Variants in BCL2L13 observed in about 807,000 individuals in gnomAD.
BCL2L13 encodes the protein bcl-2-like protein 13.
In BCL2L13, 13 loss-of-function variants were observed where a neutral mutation model predicts 25.8. The observed-to-expected ratio is 0.50, with a 90% CI of 0.33 to 0.80. The LOEUF (loss-of-function observed/expected upper bound fraction) is 0.80. Among genes scored for constraint, BCL2L13 ranks in the 30% least tolerant of loss-of-function variants. BCL2L13 has a pLI of 0.02. For missense variants in BCL2L13, 504 were observed against 574.9 expected, an observed-to-expected ratio of 0.88 and a Z score of 1.26; for synonymous variants, 244 against 230.3, an observed-to-expected ratio of 1.06 and a Z score of -0.54.
upstream of BCL2L13, among the ~76,000 whole-genome samples, chr22:17,634,270 C>G (rs920274694): frequency 1.3e-5 from 2 of 152,066 alleles, no homozygotes; most frequent in Non-Finnish European, 2.9e-5. Flanking sequence ...AACACAACCT[C>G]CACCTCCCAG....
intron 2 of BCL2L13, among the ~76,000 whole-genome samples, chr22:17,656,399 G>A (rs1601538357): frequency 8.8e-6 from 1 of 113,642 alleles, no homozygotes; most frequent in Admixed American, 1.3e-4. Flanking sequence ...CTCTAAGGCT[G>A]GAGTGCAGTG....
intron 4 of BCL2L13, among the ~76,000 whole-genome samples, chr22:17,695,487 A>G (rs945015286): frequency 4.6e-5 from 7 of 152,050 alleles, no homozygotes; most frequent in African/African-American, 1.4e-4. Context: ...ATGCCTGGCT[A>G]ATTTTTTGTA....
upstream of BCL2L13, among the ~76,000 whole-genome samples, chr22:17,636,801 T>A (rs2146357309): frequency 6.6e-6 from 1 of 150,918 alleles, no homozygotes; most frequent in South Asian, 2.1e-4. Context: ...CTCGAGAAAA[T>A]AATAATAAAA....
chr22:17,677,657 A>G (rs1230239107), intron 2 of BCL2L13, among the ~76,000 whole-genome samples: 2 of 152,150 alleles, frequency 1.3e-5, no homozygotes, highest in Non-Finnish European at 2.9e-5. Context: ...GTGGATCATG[A>G]GGTCAGGAGA....
intron 1 of BCL2L13, among the ~76,000 whole-genome samples, chr22:17,639,947 T>C (rs2058212903): frequency 6.6e-6 from 1 of 151,884 alleles, no homozygotes; most frequent in South Asian, 2.1e-4. Context: ...CTCCGCCTCC[T>C]GGGTTCAAGC....
intron 1 of BCL2L13, among the ~76,000 whole-genome samples, chr22:17,644,856 C>CTGGA (rs1329158665): frequency 2.7e-5 from 4 of 147,300 alleles, no homozygotes; most frequent in African/African-American, 1.0e-4. Context: ...TGTCATCAGG[C>CTGGA]TGGAGTGCAG....
In BCL2L13 at chr22:17,664,468, G is replaced by A. The variant is rs575324197; in HGVS notation, c.121+8636G>A. Reference sequence around the variant, plus strand: ...GCATTGAGTGTCTGTGGCTCTTCCCGGTGCACAGTGCAAGCTGTCAGTGGA... The same window carrying A: ...GCATTGAGTGTCTGTGGCTCTTCCCAGTGCACAGTGCAAGCTGTCAGTGGA... On this transcript the variant is annotated intron_variant, in intron 2 of 6. Transcript: ENST00000317582. 1.3e-4 allele frequency among the ~76,000 whole-genome samples: 20 copies of A among 152,074 alleles called. No individual in the cohort carries two copies. In the South Asian group the frequency reaches 3.5e-3, roughly 27 times the overall value.
chr22:17,651,135 G>A (rs1033690752), intron 1 of BCL2L13, among the ~76,000 whole-genome samples: 3 of 151,808 alleles, frequency 2.0e-5, no homozygotes, highest in African/African-American at 7.2e-5. Flanking sequence ...GAGTAGCTGG[G>A]ATTACAGGCA....
At position 17,669,253 on chromosome 22, in the gene BCL2L13, C is replaced by T. The variant is rs1214740791; in HGVS notation, c.121+13421C>T. 4.6e-5 allele frequency among the ~76,000 whole-genome samples: 7 copies of T among 151,998 alleles called. No homozygotes were observed. In the East Asian group the frequency reaches 1.4e-3, roughly 29 times the overall value. ...TTCACCATGTTAGCCAGGATGGTCT[C>T]AATCTCCTGACCTCGTGATCTGCCC... On this transcript the variant is annotated intron_variant, in intron 2 of 6. Transcript: ENST00000317582.
intron 5 of BCL2L13, 103 bp downstream of exon 5, chr22:17,696,313 T>G: frequency 1.1e-6 from 1 of 941,924 alleles, no homozygotes. Context: ...TAGAGCTCAT[T>G]CTTTAATGCA....
chr22:17,691,683 A>T (rs1429266213), intron 4 of BCL2L13, among the ~76,000 whole-genome samples: 1 of 152,188 alleles, frequency 6.6e-6, no homozygotes, highest in East Asian at 1.9e-4. Flanking sequence ...CAAATTTGAT[A>T]CAGACTTTGG....
At chr22:17,667,387 T>G (rs1244229593) in intron 2 of BCL2L13, among the ~76,000 whole-genome samples, 1 of 152,142 alleles carries the variant, frequency 6.6e-6, no homozygotes, top group Non-Finnish European at 1.5e-5. Flanking sequence ...GTCAGGCTAG[T>G]CTCGAACTCC....
At chr22:17,630,586 C>CTTTTTTTTTTTTTTTTTTTTTTT (rs34181282) in intron 1 of BCL2L13, among the ~76,000 whole-genome samples, 1 of 126,254 alleles carries the variant, frequency 7.9e-6, no homozygotes, top group Non-Finnish European at 1.6e-5. Context: ...CCTTCTTTTT[C>CTTTTTTTTTTTTTTTTTTTTTTT]TTTTCTTTTT....
chr22:17,706,385 G>T (rs1001126392), intron 6 of BCL2L13, among the ~76,000 whole-genome samples: 7 of 150,922 alleles, frequency 4.6e-5, no homozygotes, highest in Non-Finnish European at 8.8e-5. Flanking sequence ...ACTGAGAAAA[G>T]GATTAGAAAT....
intron 1 of BCL2L13, among the ~76,000 whole-genome samples, chr22:17,644,770 CTAAAT>C (rs1486724569): frequency 1.9e-4 from 28 of 149,290 alleles, no homozygotes; most frequent in African/African-American, 7.0e-4. Context: ...GTGTGATACT[CTAAAT>C]TAGTATATCT....
At chr22:17,716,036 T>G (rs1406633143) in intron 6 of BCL2L13, among the ~76,000 whole-genome samples, 2 of 152,224 alleles carry the variant, frequency 1.3e-5, no homozygotes, top group African/African-American at 2.4e-5. Context: ...GTTTAAAGCA[T>G]GTTTTCTCCC....
At chr22:17,697,859 A>C (rs1007287447) in intron 5 of BCL2L13, among the ~76,000 whole-genome samples, 11 of 152,122 alleles carry the variant, frequency 7.2e-5, no homozygotes, top group African/African-American at 2.7e-4. Context: ...GACAGAGTCT[A>C]ACTCTGTCGC....
intron 6 of BCL2L13, among the ~76,000 whole-genome samples, chr22:17,725,491 C>T (rs2061270059): frequency 6.6e-6 from 1 of 152,210 alleles, no homozygotes; most frequent in Non-Finnish European, 1.5e-5. Context: ...TGTGATCTCC[C>T]TGCTTTCTCT....
At chr22:17,682,994 G>T (rs535729605) in intron 2 of BCL2L13, among the ~76,000 whole-genome samples, 1 of 152,102 alleles carries the variant, frequency 6.6e-6, no homozygotes, top group Non-Finnish European at 1.5e-5. Flanking sequence ...TTAGCCAGGC[G>T]TGGTGGCAGG....
Sources: gnomAD v4.1 joint callset for allele counts (sites outside exome capture counted in the v4.1 genomes callset) on GRCh38, gnomAD v4.1.1 for gene constraint, MANE v1.5 for transcripts, NCBI Gene and HGNC (gene_info 2026-07-23, HGNC 2026-07-21) for gene names.